CAMSAP2: variants seen among roughly 807,000 people sequenced by gnomAD.
The protein encoded by CAMSAP2 is calmodulin-regulated spectrin-associated protein 2.
In CAMSAP2, 26 loss-of-function variants were observed where a neutral mutation model predicts 146.1. The ratio of observed to expected loss-of-function variants is 0.18; its 90% CI spans 0.13 to 0.25. The LOEUF (loss-of-function observed/expected upper bound fraction) is 0.25. CAMSAP2 is among the 10% of genes least tolerant of loss of function. CAMSAP2 has a pLI of 1.00. For synonymous variants in CAMSAP2, 499 were observed against 596.6 expected, an observed-to-expected ratio of 0.84 and a Z score of 2.38; for missense variants, 1,381 against 1,759.3, an observed-to-expected ratio of 0.78 and a Z score of 3.85.
rs137990490 is a variant in CAMSAP2, at chr1:200,849,187, G to A, written c.2418G>A (p.Ala806=). The change falls in exon 11 of 17, where the codon GCG becomes GCA. Residue 806 remains alanine (A), a synonymous_variant. Coordinates refer to ENST00000358823, the MANE Select transcript of CAMSAP2 (RefSeq NM_203459.4). This position sits in a 1 kb window ranked among gnomAD's most constrained non-coding sequence, Gnocchi z 6.3. ...TATCTCCTCTACGAGAGGAAGCGGC[G>A]GGTGCAGAAGATGAGAAAGTATATA... ...DGISPLREEA[A]GAEDEKVYTD... is the part of the protein sequence containing the mutation. 902 of 1,613,794 alleles carry A rather than the reference G, an allele frequency of 5.6e-4. 2 individuals are homozygous for A. The highest frequency in any genetic ancestry group is 2.4e-3 in the East Asian group (106 of 44,874).
chr1:200,856,900 C>G (rs1667764237), intron 15 of CAMSAP2, among the ~76,000 whole-genome samples: 1 of 152,186 alleles, frequency 6.6e-6, no homozygotes, highest in Non-Finnish European at 1.5e-5. Flanking sequence ...GTTACTCACT[C>G]TGCTTCTCTA....
chr1:200,840,247 A>G (rs911447688), intron 6 of CAMSAP2, among the ~76,000 whole-genome samples: 3 of 152,090 alleles, frequency 2.0e-5, no homozygotes, highest in Non-Finnish European at 4.4e-5. Context: ...ACAAAAACCT[A>G]AGAGTCATCA....
At chr1:200,817,186 ACAC>A (rs1286450754) in intron 4 of CAMSAP2, among the ~76,000 whole-genome samples, 1 of 80,228 alleles carries the variant, frequency 1.2e-5, no homozygotes, top group Non-Finnish European at 2.3e-5. Flanking sequence ...ATACACACAC[ACAC>A]ATGTGTGTGT....
chr1:200,806,157 T>A (rs1666164994), intron 2 of CAMSAP2, among the ~76,000 whole-genome samples: 1 of 152,168 alleles, frequency 6.6e-6, no homozygotes, highest in Non-Finnish European at 1.5e-5. Context: ...AAGTTGAAAG[T>A]CTGGAGAAAA....
At chr1:200,746,617 C>T (rs1444362833) in intron 1 of CAMSAP2, among the ~76,000 whole-genome samples, 1 of 140,000 alleles carries the variant, frequency 7.1e-6, no homozygotes, top group Non-Finnish European at 1.5e-5. Flanking sequence ...AGTCACTAGT[C>T]ACATTTTTTT....
At chr1:200,784,358 T>A in intron 2 of CAMSAP2, among the ~76,000 whole-genome samples, 1 of 152,232 alleles carries the variant, frequency 6.6e-6, no homozygotes, top group East Asian at 1.9e-4. Flanking sequence ...GTTGAATCTA[T>A]AGACCATTTT....
At chr1:200,759,265 G>A (rs781174638) in intron 1 of CAMSAP2, among the ~76,000 whole-genome samples, 24 of 146,666 alleles carry the variant, frequency 1.6e-4, no homozygotes, top group Non-Finnish European at 2.5e-4. Flanking sequence ...AAATTCTGCC[G>A]ATTCCTGCTA....
intron 2 of CAMSAP2, among the ~76,000 whole-genome samples, chr1:200,806,051 A>G (rs1256052137): frequency 6.6e-6 from 1 of 152,190 alleles, no homozygotes; most frequent in East Asian, 1.9e-4. Context: ...AGACCTTTAT[A>G]AACATGTTAT....
At chr1:200,856,159 A>G in intron 15 of CAMSAP2, 34 bp downstream of exon 15, 6 of 1,457,144 alleles carry the variant, frequency 4.1e-6, no homozygotes, top group Non-Finnish European at 5.7e-6. Flanking sequence ...GAAACATTTG[A>G]ATTTAACACA....
intron 2 of CAMSAP2, among the ~76,000 whole-genome samples, chr1:200,776,575 G>GT (rs746991560): frequency 5.3e-5 from 8 of 152,024 alleles, no homozygotes; most frequent in Non-Finnish European, 1.2e-4. Flanking sequence ...AGGAAAGAGA[G>GT]TTGACTGGGT....
chr1:200,756,540 C>A (rs1403453516), intron 1 of CAMSAP2, among the ~76,000 whole-genome samples: 2 of 152,024 alleles, frequency 1.3e-5, no homozygotes, highest in African/African-American at 4.8e-5. Context: ...CCTATACTTT[C>A]TCAAAGCCCA....
At chr1:200,755,835 T>C (rs1452918016) in intron 1 of CAMSAP2, among the ~76,000 whole-genome samples, 1 of 152,196 alleles carries the variant, frequency 6.6e-6, no homozygotes, top group Non-Finnish European at 1.5e-5. Context: ...ATAGTTGTTA[T>C]CTAGAGAATT....
intron 2 of CAMSAP2, among the ~76,000 whole-genome samples, chr1:200,782,716 C>T (rs991806056): frequency 6.6e-6 from 1 of 151,142 alleles, no homozygotes; most frequent in Non-Finnish European, 1.5e-5. Flanking sequence ...GATGCTGTTT[C>T]CAGTTTTGAT....
At chr1:200,820,603 A>G (rs932188714) in intron 4 of CAMSAP2, among the ~76,000 whole-genome samples, 1 of 152,192 alleles carries the variant, frequency 6.6e-6, no homozygotes, top group Non-Finnish European at 1.5e-5. Context: ...TTCAGCCCTT[A>G]TGAATTTCTC....
intron 7 of CAMSAP2, among the ~76,000 whole-genome samples, chr1:200,842,718 G>A (rs2102237833): frequency 6.6e-6 from 1 of 152,256 alleles, no homozygotes; most frequent in Non-Finnish European, 1.5e-5. Context: ...GCTCACGCCT[G>A]TAATCCTAGC....
intron 15 of CAMSAP2, 68 bp downstream of exon 15, chr1:200,856,193 A>G: frequency 3.5e-6 from 4 of 1,132,050 alleles, no homozygotes; most frequent in Non-Finnish European, 3.9e-6. Flanking sequence ...GGTGTACTAA[A>G]GAAAATTTTA....
intron 6 of CAMSAP2, among the ~76,000 whole-genome samples, chr1:200,838,934 G>C (rs762401388): frequency 2.3e-4 from 35 of 152,286 alleles, no homozygotes; most frequent in Non-Finnish European, 4.9e-4. Flanking sequence ...ATGACTCCTA[G>C]GTTTCTGGTT....
intron 12 of CAMSAP2, 137 bp downstream of exon 12, chr1:200,852,814 G>C: frequency 1.1e-6 from 1 of 891,136 alleles, no homozygotes; most frequent in Non-Finnish European, 1.6e-6. Flanking sequence ...GAAGTTTGTA[G>C]TATAGATAGA....
At chr1:200,826,872 T>C (rs1226581914) in intron 4 of CAMSAP2, among the ~76,000 whole-genome samples, 1 of 151,710 alleles carries the variant, frequency 6.6e-6, no homozygotes, top group Non-Finnish European at 1.5e-5. Context: ...GTGGTCCTGA[T>C]AAAAAGAAAA....
Sources: allele counts gnomAD v4.1 joint callset (sites outside exome capture counted in the v4.1 genomes callset), GRCh38; gene constraint gnomAD v4.1.1; non-coding constraint Gnocchi (gnomAD v3.1); transcripts MANE v1.5; gene names NCBI Gene and HGNC (gene_info 2026-07-23, HGNC 2026-07-21).